PPIL2: variants seen among roughly 807,000 people sequenced by gnomAD.
The protein encoded by PPIL2 is peptidylprolyl isomerase like 2.
A neutral mutation model predicts 75.2 loss-of-function variants in PPIL2; 50 were observed. That is an observed-to-expected ratio of 0.66 (90% CI 0.53 to 0.84). The LOEUF (loss-of-function observed/expected upper bound fraction) is 0.84. Among genes scored for constraint, PPIL2 ranks in the 40% least tolerant of loss-of-function variants. PPIL2 has a pLI of 0.00. For missense variants in PPIL2, 590 were observed against 685.0 expected (o/e 0.86, Z 1.55); for synonymous variants, 245 against 258.8 (o/e 0.95, Z 0.51).
Position 21,688,125 on chromosome 22 carries a change from C to T in PPIL2, c.1021+19C>T, listed in dbSNP as rs2067455404. On this transcript the variant is annotated intron_variant, in intron 14 of 19. Transcript: ENST00000398831. ...GGCACGGGTAGGTACTGGTGCTGGG[C>T]CCCTCTCTGGGCACTTTGGCTGCTC... is the stretch of plus-strand genomic sequence containing the variant. 1 of 1,614,122 alleles carries T rather than the reference C, an allele frequency of 6.2e-7. No homozygotes were observed. Among genetic ancestry groups the T allele is most frequent in the East Asian group, 2.2e-5 (1 of 44,882 alleles).
intron 1 of PPIL2, chr22:21,669,446 G>T (rs554067672): frequency 1.4e-5 from 6 of 417,262 alleles, no homozygotes; most frequent in South Asian, 8.3e-5. Context: ...ACTGTGCCTG[G>T]TCTCCATGTC....
chr22:21,666,868 C>T (rs2066405568), intron 1 of PPIL2, among the ~76,000 whole-genome samples: 2 of 152,100 alleles, frequency 1.3e-5, no homozygotes, highest in African/African-American at 4.8e-5. Flanking sequence ...TCCCACGTTC[C>T]CCTCCCGCTG....
At chr22:21,668,734 C>T (rs1202167756) in intron 1 of PPIL2, among the ~76,000 whole-genome samples, 10 of 141,380 alleles carry the variant, frequency 7.1e-5, no homozygotes, top group East Asian at 2.1e-4. Context: ...TTTTTTGAGA[C>T]GGAGTCTCGC....
Position 21,697,801 on chromosome 22 carries a change from A to AGTTT in PPIL2, c.*2320_*2323dup, listed in dbSNP as rs771081659. ...GGCAAATGAAGGTTTACATTTCTGT[A>AGTTT]GTTTGTTTGTTTTAGAGCTTAATTT... On this transcript the variant is annotated 3_prime_UTR_variant, in exon 20 of 20. Transcript: ENST00000398831. 1.3e-5 allele frequency: 2 copies of AGTTT among 152,334 alleles called. No individual in the cohort carries two copies. The highest frequency in any genetic ancestry group is 4.8e-5 in the African/African-American group (2 of 41,446). The allele number at this position is 152,334 out of a possible 1,614,324, so 9.4% of individuals were successfully genotyped here.
intron 2 of PPIL2, 182 bp from the exon 3 acceptor site, chr22:21,670,384 C>T: frequency 2.0e-6 from 3 of 1,492,252 alleles, no homozygotes; most frequent in Non-Finnish European, 2.7e-6. Context: ...CCAGTAAGTT[C>T]TTTTTTGATG....
chr22:21,668,978 TG>T (rs2066509780), intron 1 of PPIL2, among the ~76,000 whole-genome samples: 1 of 151,124 alleles, frequency 6.6e-6, no homozygotes, highest in East Asian at 2.0e-4. Flanking sequence ...CCCAAAATGC[TG>T]GGATTACAGG....
intron 13 of PPIL2, 76 bp downstream of exon 13, chr22:21,687,808 C>A: frequency 7.1e-7 from 1 of 1,417,412 alleles, no homozygotes; most frequent in South Asian, 1.2e-5. Flanking sequence ...GTCCCTGCCC[C>A]ATCCCAGGGC....
intron 1 of PPIL2, chr22:21,669,533 C>T (rs2066543392): frequency 5.7e-6 from 2 of 351,046 alleles, no homozygotes; most frequent in African/African-American, 4.3e-5. Context: ...CAGAGTCTCA[C>T]TCTGTCACCC....
intron 6 of PPIL2, among the ~76,000 whole-genome samples, chr22:21,677,328 T>A (rs1038094817): frequency 1.3e-5 from 2 of 152,130 alleles, no homozygotes; most frequent in Non-Finnish European, 2.9e-5. Flanking sequence ...CTCGGCACTT[T>A]GGGAGGCCAA....
In PPIL2 at chr22:21,695,548, C is replaced by T; in HGVS notation, c.*58C>T. 1.3e-6 allele frequency: 2 copies of T among 1,552,336 alleles called. No individual in the cohort carries two copies. The highest frequency in any genetic ancestry group is 1.2e-5 in the South Asian group (1 of 84,260). On this transcript the variant is annotated 3_prime_UTR_variant, in exon 20 of 20. Transcript: ENST00000398831. ...TTGCAGGGCTGGGGGCCCATGTCCA[C>T]ATCTCCATTTCCAGCCTTTCTAGCC...
At chr22:21,678,712 A>G (rs545681769) in intron 6 of PPIL2, among the ~76,000 whole-genome samples, 1 of 152,014 alleles carries the variant, frequency 6.6e-6, no homozygotes, top group South Asian at 2.1e-4. Context: ...CAGTTTTCAC[A>G]TCAGAAGGAT....
intron 6 of PPIL2, among the ~76,000 whole-genome samples, chr22:21,676,243 A>AGTGTGTGTGT (rs36131221): frequency 0.032 from 4,176 of 130,420 alleles, 105 homozygotes; most frequent in Middle Eastern, 0.06. Flanking sequence ...TGTGATCAGC[A>AGTGTGTGTGT]GTGTGTGTGT....
At chr22:21,677,202 C>G (rs1003662489) in intron 6 of PPIL2, among the ~76,000 whole-genome samples, 21 of 151,818 alleles carry the variant, frequency 1.4e-4, no homozygotes, top group African/African-American at 4.6e-4. Flanking sequence ...CACTCCTCAC[C>G]TCCCAGATGG....
intron 15 of PPIL2, among the ~76,000 whole-genome samples, chr22:21,691,431 A>G (rs969170069): frequency 2.6e-5 from 4 of 152,116 alleles, no homozygotes; most frequent in African/African-American, 7.2e-5. Flanking sequence ...CTATAATCCC[A>G]GCACTTTGGG....
chr22:21,670,587 G>A lies in PPIL2; in HGVS notation c.104G>A (p.Arg35His), dbSNP rs750545064. The A allele has an allele frequency of 1.4e-5, 22 of 1,611,382 alleles. No homozygotes were observed. Among genetic ancestry groups the A allele is most frequent in the South Asian group, 2.2e-5 (2 of 90,994 alleles). Residue 35 changes from arginine (R) to histidine (H), a missense_variant, in exon 3 of 20, where the codon CGT becomes CAT. Coordinates refer to ENST00000398831, the MANE Select transcript of PPIL2 (RefSeq NM_014337.4). ...ACAGATCTCCCACAAACAAATTTTC[G>A]TCGTTTACCTTTTGACCACTGCAGG... ...KKPDLPQTNF[R>H]RLPFDHCSLS...
chr22:21,670,368 C>T, intron 2 of PPIL2, 198 bp from the exon 3 acceptor site: 1 of 1,505,642 alleles, frequency 6.6e-7, no homozygotes. Flanking sequence ...AAAGTATGCA[C>T]TTTTCCCAGT....
intron 1 of PPIL2, among the ~76,000 whole-genome samples, chr22:21,668,610 C>A (rs908051188): frequency 1.4e-5 from 2 of 143,116 alleles, no homozygotes; most frequent in Non-Finnish European, 3.0e-5. Context: ...GCCTGGGCAG[C>A]GAGCAAGACT....
rs765402923 is a variant in PPIL2 at position 21,672,289 on chromosome 22, T to G, written c.192-41T>G. The G allele has an allele frequency of 2.6e-6, 4 of 1,566,918 alleles. No homozygotes were observed. In the South Asian group the frequency reaches 3.3e-5, roughly 13 times the overall value. The stretch of plus-strand genomic sequence containing the variant: ...CACAGTGTTGTTACCAGGTGGCGCC[T>G]AAGCACCCTGGTGATGCTTTCTGTT... On this transcript the variant is annotated intron_variant, in intron 4 of 19. Coordinates refer to ENST00000398831, the MANE Select transcript of PPIL2 (RefSeq NM_014337.4).
chr22:21,673,219 T>A (rs1035688814), intron 5 of PPIL2, among the ~76,000 whole-genome samples: 1 of 152,216 alleles, frequency 6.6e-6, no homozygotes, highest in African/African-American at 2.4e-5. Flanking sequence ...ACTTGAAGAC[T>A]GTTTCTGTGA....
Sources: gnomAD v4.1 joint callset for allele counts (sites outside exome capture counted in the v4.1 genomes callset) on GRCh38, gnomAD v4.1.1 for gene constraint, MANE v1.5 for transcripts, NCBI Gene and HGNC (gene_info 2026-07-23, HGNC 2026-07-21) for gene names.